Variants in ADGRL3 observed in about 807,000 individuals in gnomAD.
ADGRL3 encodes calcium-independent alpha-latrotoxin receptor 3.
ADGRL3 carries 62 observed loss-of-function variants against 153.5 expected under a neutral mutation model. That is an observed-to-expected ratio of 0.40 (90% CI 0.33 to 0.50). ADGRL3 has a LOEUF of 0.50. Ranked by LOEUF, ADGRL3 falls within the 20% of genes least tolerant of loss-of-function variation. ADGRL3 has a pLI of 0.47. For synonymous variants in ADGRL3, 710 were observed against 672.5 expected (o/e 1.06, Z -0.86); for missense variants, 1,641 against 1,859.4 (o/e 0.88, Z 2.16).
chr4:62,016,756 TA>T (rs1172227985), intron 21 of ADGRL3, among the ~76,000 whole-genome samples: 1 of 152,166 alleles, frequency 6.6e-6, no homozygotes, highest in Non-Finnish European at 1.5e-5. Context: ...AGAATTACAT[TA>T]AATATATGGA....
At chr4:61,843,785 G>A (rs957065099) in intron 9 of ADGRL3, among the ~76,000 whole-genome samples, 1 of 152,130 alleles carries the variant, frequency 6.6e-6, no homozygotes, top group Admixed American at 6.5e-5. Context: ...GCCAAGGCAG[G>A]AGGATCACTT....
At chr4:61,517,673 A>T (rs1467989516) in intron 4 of ADGRL3, among the ~76,000 whole-genome samples, 155 bp downstream of exon 4, 1 of 148,312 alleles carries the variant, frequency 6.7e-6, no homozygotes, top group Non-Finnish European at 1.5e-5. Flanking sequence ...TATCCTGGCC[A>T]TTTTTTTTTT....
At position 61,797,472 on chromosome 4, in the gene ADGRL3, G is replaced by A. The variant is rs375993272; in HGVS notation, c.1400-16337G>A. On this transcript the variant is annotated intron_variant, in intron 8 of 26. Transcript: ENST00000683033. ...TAAACTGAGACTTGGTTTCCTCTCC[G>A]ATAAAGTAGAAAGAACTGTAGCAAT... is the stretch of plus-strand genomic sequence containing the variant. Among the ~76,000 whole-genome samples, 83 of 152,226 alleles carry A rather than the reference G, an allele frequency of 5.5e-4. 1 individual carries two copies. The highest frequency in any genetic ancestry group is 1.9e-3 in the African/African-American group (78 of 41,556).
intron 1 of ADGRL3, among the ~76,000 whole-genome samples, chr4:61,243,166 A>C (rs529479279): frequency 6.6e-6 from 1 of 152,206 alleles, no homozygotes; most frequent in East Asian, 1.9e-4. Context: ...CTGTGTGTTT[A>C]GTATAGGGTT....
At chr4:61,345,976 G>C (rs1392397512) in intron 1 of ADGRL3, among the ~76,000 whole-genome samples, 1 of 152,166 alleles carries the variant, frequency 6.6e-6, no homozygotes, top group East Asian at 1.9e-4. Flanking sequence ...AAGATTGAAG[G>C]GTTTTTATTC....
At chr4:61,313,105 A>G (rs189162565) in intron 1 of ADGRL3, among the ~76,000 whole-genome samples, 139 of 152,308 alleles carry the variant, frequency 9.1e-4, no homozygotes, top group African/African-American at 3.1e-3. Flanking sequence ...CTTGAAATGT[A>G]AGCATTAAGT....
intron 8 of ADGRL3, among the ~76,000 whole-genome samples, chr4:61,799,835 G>A (rs1296234826): frequency 1.3e-5 from 2 of 151,992 alleles, no homozygotes; most frequent in African/African-American, 4.8e-5. Context: ...ACATTTGGGT[G>A]CTTATTATGT....
intron 4 of ADGRL3, among the ~76,000 whole-genome samples, chr4:61,536,892 T>A (rs1186927605): frequency 6.6e-6 from 1 of 152,102 alleles, no homozygotes; most frequent in Non-Finnish European, 1.5e-5. Flanking sequence ...AAAGTTAATA[T>A]TGATATGTGA....
At position 61,529,986 on chromosome 4, in the gene ADGRL3, A is replaced by G. The variant is rs144017808; in HGVS notation, c.259+12468A>G. On this transcript the variant is annotated intron_variant, in intron 4 of 26. Transcript: ENST00000683033. ...GGCTTTAAATTCAACCTATGCTTGTATTCCTTATCTGTACATTGAATTAAA... is the reference window on the plus strand; with the variant it reads ...GGCTTTAAATTCAACCTATGCTTGTGTTCCTTATCTGTACATTGAATTAAA... 2.1e-4 allele frequency among the ~76,000 whole-genome samples: 32 copies of G among 152,258 alleles called. 1 individual carries two copies. In the East Asian group the frequency reaches 5.2e-3, roughly 25 times the overall value.
intron 4 of ADGRL3, among the ~76,000 whole-genome samples, chr4:61,570,162 A>T (rs1252344448): frequency 2.6e-5 from 4 of 152,150 alleles, no homozygotes; most frequent in Non-Finnish European, 5.9e-5. Flanking sequence ...TTTAAGGGCT[A>T]GTTAGTAAGC....
chr4:61,307,484 C>T (rs2094835594), intron 1 of ADGRL3, among the ~76,000 whole-genome samples: 1 of 151,984 alleles, frequency 6.6e-6, no homozygotes, highest in African/African-American at 2.4e-5. Context: ...ACTTTAAAGA[C>T]TTTGTTTTCA....
chr4:61,347,111 CAT>C (rs2095932790), intron 1 of ADGRL3, among the ~76,000 whole-genome samples: 4 of 152,088 alleles, frequency 2.6e-5, no homozygotes, highest in Non-Finnish European at 5.9e-5. Context: ...CCTTAAATTA[CAT>C]ACAGTGAGTG....
chr4:61,750,527 C>G (rs1273974195), intron 8 of ADGRL3, among the ~76,000 whole-genome samples: 5 of 152,172 alleles, frequency 3.3e-5, no homozygotes, highest in Non-Finnish European at 5.9e-5. Flanking sequence ...CGCGGTGGCT[C>G]ACGCCTGTAA....
At chr4:61,712,691 T>C (rs747977679) in intron 6 of ADGRL3, among the ~76,000 whole-genome samples, 1 of 152,216 alleles carries the variant, frequency 6.6e-6, no homozygotes, top group Non-Finnish European at 1.5e-5. Context: ...TTTTGACTTA[T>C]GGTCCATGCA....
intron 2 of ADGRL3, among the ~76,000 whole-genome samples, chr4:61,435,620 T>C (rs959430522): frequency 4.0e-5 from 6 of 151,808 alleles, no homozygotes; most frequent in African/African-American, 9.7e-5. Context: ...TTAAATCTTA[T>C]TATTTTTCAC....
intron 2 of ADGRL3, among the ~76,000 whole-genome samples, chr4:61,389,406 C>T (rs560697855): frequency 6.6e-6 from 1 of 152,152 alleles, no homozygotes; most frequent in African/African-American, 2.4e-5. Flanking sequence ...GAATTCTTTG[C>T]TTATTTGCTT....
At chr4:62,011,608 T>C (rs2099186818) in intron 21 of ADGRL3, among the ~76,000 whole-genome samples, 1 of 152,126 alleles carries the variant, frequency 6.6e-6, no homozygotes. Context: ...ACTTTTGCTG[T>C]TTTCTCAAAT....
Position 61,948,215 on chromosome 4 carries a change from C to T in ADGRL3, c.2744C>T (p.Thr915Ile). 6.2e-7 allele frequency: 1 copy of T among 1,613,842 alleles called. No homozygotes were observed. The highest frequency in any genetic ancestry group is 8.5e-7 in the Non-Finnish European group (1 of 1,179,816). ...CRLLTTNKTH[T>I]TCSCNHLTNF... is the part of the protein sequence containing the mutation. ...CTCCTGACAACAAATAAGACACATA[C>T]TACATGCTCTTGTAACCACCTAACA... The change falls in exon 17 of 27, where the codon ACT (threonine) becomes ATT (isoleucine). Residue 915 changes from threonine to isoleucine, a missense_variant. Physicochemically the swap from Thr to Ile is moderately conservative, Grantham distance 89. Transcript: ENST00000683033.
At chr4:61,910,302 T>G (rs2098716314) in intron 12 of ADGRL3, among the ~76,000 whole-genome samples, 1 of 151,938 alleles carries the variant, frequency 6.6e-6, no homozygotes, top group Admixed American at 6.6e-5. Context: ...TTGAAATCAC[T>G]CAGATTTTGT....
Sources: gnomAD v4.1 joint callset for allele counts (sites outside exome capture counted in the v4.1 genomes callset) on GRCh38, gnomAD v4.1.1 for gene constraint, MANE v1.5 for transcripts, NCBI Gene and HGNC (gene_info 2026-07-23, HGNC 2026-07-21) for gene names.